Variants in PRORP observed in about 807,000 individuals in gnomAD.
PRORP encodes protein only RNase P catalytic subunit, also known as mitochondrial ribonuclease P catalytic subunit.
Under a neutral mutation model 59.4 loss-of-function variants are expected in PRORP, and 51 were observed. That is an observed-to-expected ratio of 0.86 (90% CI 0.69 to 1.08). The LOEUF (loss-of-function observed/expected upper bound fraction) is 1.08. Among genes scored for constraint, PRORP ranks in the 50% least tolerant of loss-of-function variants. The pLI, the probability that PRORP is intolerant of heterozygous loss-of-function variation, is 0.00. For missense variants in PRORP, 646 were observed against 690.3 expected (o/e 0.94, Z 0.72); for synonymous variants, 231 against 245.6 (o/e 0.94, Z 0.55).
At chr14:35,261,502 G>T (rs931606483) in intron 5 of PRORP, among the ~76,000 whole-genome samples, 2 of 152,132 alleles carry the variant, frequency 1.3e-5, no homozygotes, top group Non-Finnish European at 2.9e-5. Flanking sequence ...AGGCCAAGGC[G>T]GGCAGATCAC....
upstream of PRORP, chr14:35,121,886 C>A (rs2046914153): frequency 6.2e-7 from 1 of 1,613,968 alleles, no homozygotes; most frequent in African/African-American, 1.3e-5. Context: ...AACGGGCTGC[C>A]CCTCCCAAAA....
At chr14:35,144,845 T>C (rs921543936) in intron 4 of PRORP, among the ~76,000 whole-genome samples, 3 of 146,106 alleles carry the variant, frequency 2.1e-5, no homozygotes, top group African/African-American at 7.3e-5. Context: ...TCTTTTTCTT[T>C]CTATTGTAAA....
chr14:35,175,589 T>TGTTA, intron 4 of PRORP, among the ~76,000 whole-genome samples: 1 of 151,702 alleles, frequency 6.6e-6, no homozygotes, highest in South Asian at 2.1e-4. Context: ...TTGATGGGGT[T>TGTTA]GTTTTTTTTC....
chr14:35,260,179 T>A (rs78459086), intron 5 of PRORP, among the ~76,000 whole-genome samples: 8,754 of 152,034 alleles, frequency 0.058, 330 homozygotes, highest in Middle Eastern at 0.11. Context: ...CCCCAACTAA[T>A]GTTTTTTATT....
At chr14:35,182,569 C>A (rs959054726) in intron 5 of PRORP, among the ~76,000 whole-genome samples, 1 of 152,050 alleles carries the variant, frequency 6.6e-6, no homozygotes, top group Non-Finnish European at 1.5e-5. Context: ...TGCTTGAACC[C>A]GGGAGGTGGA....
At chr14:35,134,884 T>G (rs952037015) in intron 4 of PRORP, among the ~76,000 whole-genome samples, 1 of 152,214 alleles carries the variant, frequency 6.6e-6, no homozygotes, top group Non-Finnish European at 1.5e-5. Flanking sequence ...TGGCTTAGAC[T>G]GCCTTTCAAA....
At chr14:35,209,939 C>T (rs1225272744) in intron 5 of PRORP, among the ~76,000 whole-genome samples, 1 of 152,156 alleles carries the variant, frequency 6.6e-6, no homozygotes, top group African/African-American at 2.4e-5. Context: ...TTTCATACCC[C>T]ACTAATATAT....
chr14:35,201,636 T>TTTAC (rs2049152678), intron 5 of PRORP, among the ~76,000 whole-genome samples: 1 of 151,332 alleles, frequency 6.6e-6, no homozygotes, highest in Non-Finnish European at 1.5e-5. Flanking sequence ...CAAAATTTTA[T>TTTAC]TTATTTATTT....
At position 35,145,555 on chromosome 14, in the gene PRORP, A is replaced by G. The variant is rs184835072; in HGVS notation, c.1167+17944A>G. ...GCTAACATGGTGAAACCCCGTCTGT[A>G]CTAAAAATACAAAAATTAGCTGGGC... On this transcript the variant is annotated intron_variant, in intron 4 of 7. Transcript: ENST00000534898. 8.4e-3 allele frequency among the ~76,000 whole-genome samples: 1,191 copies of G among 141,828 alleles called. 148 individuals carry two copies. Among genetic ancestry groups the G allele is most frequent in the Admixed American group, 0.014 (185 of 13,366 alleles). The allele number at this position is 141,828 out of a possible 152,430, so 93.0% of individuals were successfully genotyped here. A position where few individuals can be genotyped will look rare whatever the true frequency, so the allele number is the denominator to read the frequency against.
chr14:35,232,776 G>A (rs2050114371), intron 5 of PRORP, among the ~76,000 whole-genome samples: 1 of 152,036 alleles, frequency 6.6e-6, no homozygotes, highest in African/African-American at 2.4e-5. Context: ...AGGTTCAAGT[G>A]ATTCTCCTGC....
chr14:35,222,251 C>T (rs527938525), intron 5 of PRORP: 1 of 152,278 alleles, frequency 6.6e-6, no homozygotes, highest in Non-Finnish European at 1.5e-5. Context: ...CAAGAAACAA[C>T]TGGAAGATTT....
rs557046628 is a variant in PRORP at position 35,177,716 on chromosome 14, T to G, written c.1168-2954T>G. The stretch of plus-strand genomic sequence containing the variant: ...CCAGCTCCTAGATTCATTGATTTTT[T>G]TGAAGGGTTTTTTGTGTCTCTGTCT... On this transcript the variant is annotated intron_variant, in intron 4 of 7. Coordinates refer to ENST00000534898, the MANE Select transcript of PRORP (RefSeq NM_014672.4). Among the ~76,000 whole-genome samples, 526 of 152,336 alleles carry G rather than the reference T, an allele frequency of 3.5e-3. 3 individuals are homozygous for G. The highest frequency in any genetic ancestry group is 0.012 in the African/African-American group (507 of 41,572).
At chr14:35,148,791 A>G (rs1171383990) in intron 4 of PRORP, among the ~76,000 whole-genome samples, 2 of 151,888 alleles carry the variant, frequency 1.3e-5, no homozygotes, top group Admixed American at 1.3e-4. Context: ...TCTTCTGGAT[A>G]GCTTGCTGCA....
upstream of PRORP, chr14:35,122,364 T>C (rs1297839245): frequency 5.3e-6 from 1 of 188,728 alleles, no homozygotes; most frequent in Non-Finnish European, 1.1e-5. Flanking sequence ...CATTGTTCAT[T>C]GCGGATATCT....
intron 5 of PRORP, among the ~76,000 whole-genome samples, chr14:35,265,985 G>A (rs2051027266): frequency 6.7e-6 from 1 of 149,378 alleles, no homozygotes; most frequent in African/African-American, 2.5e-5. Context: ...AGACCAGCCT[G>A]GGCAGGATCG....
At chr14:35,234,676 CTTTT>C (rs398056986) in intron 5 of PRORP, among the ~76,000 whole-genome samples, 4 of 130,126 alleles carry the variant, frequency 3.1e-5, no homozygotes, top group Non-Finnish European at 4.8e-5. Context: ...ACTGTTGTTC[CTTTT>C]TTTTTTTTTT....
chr14:35,221,192 G>A (rs2049770417), intron 5 of PRORP, among the ~76,000 whole-genome samples: 1 of 152,190 alleles, frequency 6.6e-6, no homozygotes, highest in African/African-American at 2.4e-5. Context: ...TGGGACTAGG[G>A]TGAGGAGAGT....
chr14:35,245,614 G>C (rs4981281), intron 5 of PRORP, among the ~76,000 whole-genome samples: 98,257 of 152,026 alleles, frequency 0.65, 32,675 homozygotes, highest in East Asian at 0.75. Context: ...CACTTGCACT[G>C]CAGCCTAGGC....
At chr14:35,204,633 T>C (rs1334875990) in intron 5 of PRORP, among the ~76,000 whole-genome samples, 1 of 152,114 alleles carries the variant, frequency 6.6e-6, no homozygotes, top group Admixed American at 6.6e-5. Context: ...TTATAGTCTC[T>C]TGGGGGAAAT....
Sources: gnomAD v4.1 joint callset for allele counts (sites outside exome capture counted in the v4.1 genomes callset) on GRCh38, gnomAD v4.1.1 for gene constraint, MANE v1.5 for transcripts, NCBI Gene and HGNC (gene_info 2026-07-23, HGNC 2026-07-21) for gene names.